Variants in CACNA1B observed in about 807,000 individuals in gnomAD.
CACNA1B encodes voltage-dependent N-type calcium channel subunit alpha-1B.
CACNA1B carries 70 observed loss-of-function variants against 247.2 expected under a neutral mutation model. The observed-to-expected ratio is 0.28, with a 90% CI of 0.23 to 0.35. The LOEUF (loss-of-function observed/expected upper bound fraction) is 0.35. CACNA1B is among the 10% of genes least tolerant of loss of function. CACNA1B has a pLI of 1.00. For synonymous variants in CACNA1B, 1,231 were observed against 1,294.4 expected, an observed-to-expected ratio of 0.95 and a Z score of 1.05; for missense variants, 2,367 against 3,197.4, an observed-to-expected ratio of 0.74 and a Z score of 6.26.
chr9:138,108,167 G>C (rs1961499778), intron 39 of CACNA1B, among the ~76,000 whole-genome samples: 1 of 151,638 alleles, frequency 6.6e-6, no homozygotes, highest in African/African-American at 2.4e-5. Context: ...GGAGCCCCTG[G>C]CTCTACAAAA....
At chr9:138,044,501 A>G (rs1959168217) in intron 21 of CACNA1B, among the ~76,000 whole-genome samples, 1 of 152,264 alleles carries the variant, frequency 6.6e-6, no homozygotes, top group Non-Finnish European at 1.5e-5. Context: ...TAAGATGCAG[A>G]TAGTGTTAAG....
intron 3 of CACNA1B, among the ~76,000 whole-genome samples, chr9:137,909,286 G>A (rs936381703): frequency 2.6e-5 from 4 of 152,120 alleles, no homozygotes; most frequent in East Asian, 1.9e-4. Context: ...CACTGCGCCC[G>A]GCTTTGCAAT....
intron 6 of CACNA1B, among the ~76,000 whole-genome samples, chr9:137,927,199 T>G (rs576312091): frequency 2.0e-4 from 31 of 152,186 alleles, no homozygotes; most frequent in African/African-American, 7.0e-4. Context: ...CCATTTTTTA[T>G]TTAATTTTTG....
chr9:137,956,528 C>T lies in CACNA1B; in HGVS notation c.1187-243C>T, dbSNP rs372732583. 9.9e-5 allele frequency among the ~76,000 whole-genome samples: 15 copies of T among 152,088 alleles called. No homozygotes were observed. In the East Asian group the frequency reaches 2.7e-3, roughly 27 times the overall value. On this transcript the variant is annotated intron_variant, in intron 8 of 46. Coordinates refer to ENST00000371372, the MANE Select transcript of CACNA1B (RefSeq NM_000718.4). ...CAAAAATTAGCCGGGCATGGTAGCA[C>T]GTCCCTGTAATCCCAGTGGGGAGGC...
rs1564191116 is a variant in CACNA1B, at chr9:137,923,169, AGTATTCCGTGGTGCCAGGTG to A, written c.966+5786_966+5805del. ...CAGGTGTCAATTTGTGGTGCCAGGT[AGTATTCCGTGGTGCCAGGTG>A]GTATTCCGTGGTGCCAGGTGGTATT... On this transcript the variant is annotated intron_variant, in intron 6 of 46. Transcript: ENST00000371372. 9.6e-4 allele frequency among the ~76,000 whole-genome samples: 138 copies of A among 144,206 alleles called. 2 individuals carry two copies. Among genetic ancestry groups the A allele is most frequent in the East Asian group, 5.1e-3 (24 of 4,704 alleles). The allele number at this position is 144,206 out of a possible 152,430, so 94.6% of individuals were successfully genotyped here.
intron 6 of CACNA1B, among the ~76,000 whole-genome samples, chr9:137,949,206 GGT>G (rs1957844079): frequency 9.4e-5 from 4 of 42,720 alleles, no homozygotes; most frequent in Admixed American, 2.6e-4. Context: ...ATGTGTGTCT[GGT>G]ATGTGTGGTG....
chr9:138,045,423 A>C (rs188766512), intron 21 of CACNA1B, among the ~76,000 whole-genome samples: 1 of 152,182 alleles, frequency 6.6e-6, no homozygotes, highest in East Asian at 1.9e-4. Context: ...CATAGTGTTG[A>C]GGTTTGGAAG....
rs1479696365 is a variant in CACNA1B, at chr9:137,881,457, G to A, written c.391-1287G>A. The stretch of plus-strand genomic sequence containing the variant: ...GGAACTGGTGGCACTCACCTCACCT[G>A]GCAGCTCTGTGGCAGCCCAGCAGCT... On this transcript the variant is annotated intron_variant, in intron 2 of 46. Coordinates refer to ENST00000371372, the MANE Select transcript of CACNA1B (RefSeq NM_000718.4). The surrounding 1 kb of genome is among the most constrained non-coding windows in gnomAD (Gnocchi z 4.3). Among the ~76,000 whole-genome samples the A allele has an allele frequency of 2.0e-5, 3 of 152,156 alleles. No individual in the cohort carries two copies. Among genetic ancestry groups the A allele is most frequent in the African/African-American group, 4.8e-5 (2 of 41,438 alleles).
At chr9:137,979,965 A>C (rs979119996) in intron 12 of CACNA1B, among the ~76,000 whole-genome samples, 26 of 152,224 alleles carry the variant, frequency 1.7e-4, no homozygotes, top group Admixed American at 4.6e-4. Flanking sequence ...AGCTGGGCAC[A>C]TGCGGGAAAG....
chr9:137,942,155 A>T (rs1394841222), intron 6 of CACNA1B, among the ~76,000 whole-genome samples: 1 of 152,188 alleles, frequency 6.6e-6, no homozygotes, highest in Non-Finnish European at 1.5e-5. Context: ...CCCATCAAAA[A>T]GTGGGCTAAG....
chr9:137,893,388 T>C (rs1957132192), intron 3 of CACNA1B, among the ~76,000 whole-genome samples: 1 of 148,590 alleles, frequency 6.7e-6, no homozygotes, highest in Non-Finnish European at 1.5e-5. Context: ...CGGTGGCTCA[T>C]GCCTGTAATC....
At position 138,043,608 on chromosome 9, in the gene CACNA1B, C is replaced by T. The variant is rs534028903; in HGVS notation, c.3287-166C>T. The stretch of plus-strand genomic sequence containing the variant: ...GCAGATGGTGGTCCTGGCTGTCGTG[C>T]GCCACGGTCATGTACGTGAAGCACT... On this transcript the variant is annotated intron_variant, in intron 20 of 46. Coordinates refer to ENST00000371372, the MANE Select transcript of CACNA1B (RefSeq NM_000718.4). 4.6e-5 allele frequency among the ~76,000 whole-genome samples: 7 copies of T among 152,268 alleles called. No individual in the cohort carries two copies. In the South Asian group the frequency reaches 1.0e-3, roughly 23 times the overall value.
At position 137,954,085 on chromosome 9, in the gene CACNA1B, G is replaced by A. The variant is rs905622869; in HGVS notation, c.1071-1613G>A. 1.3e-5 allele frequency among the ~76,000 whole-genome samples: 2 copies of A among 152,176 alleles called. No homozygotes were observed. The highest frequency in any genetic ancestry group is 6.5e-5 in the Admixed American group (1 of 15,292). ...ATTTCCCACTCCTTCCCCACTGTGAGGATCCTGGCCTCTGGGGAGAATGGG... is the reference window on the plus strand; with the variant it reads ...ATTTCCCACTCCTTCCCCACTGTGAAGATCCTGGCCTCTGGGGAGAATGGG... On this transcript the variant is annotated intron_variant, in intron 7 of 46. Transcript: ENST00000371372. This position sits in a 1 kb window ranked among gnomAD's most constrained non-coding sequence, Gnocchi z 4.1.
At chr9:138,045,776 C>G (rs1299780895) in intron 21 of CACNA1B, among the ~76,000 whole-genome samples, 2 of 152,164 alleles carry the variant, frequency 1.3e-5, no homozygotes, top group Non-Finnish European at 2.9e-5. Flanking sequence ...CAGCAGCAGG[C>G]TGGCGGTGGG....
intron 31 of CACNA1B, among the ~76,000 whole-genome samples, chr9:138,062,218 C>T (rs1959750970): frequency 1.3e-5 from 2 of 152,162 alleles, no homozygotes; most frequent in African/African-American, 4.8e-5. Context: ...CCACACAGAG[C>T]TGACCAGATA....
intron 32 of CACNA1B, among the ~76,000 whole-genome samples, chr9:138,071,409 G>A (rs1202651203): frequency 6.6e-6 from 1 of 152,234 alleles, no homozygotes; most frequent in Non-Finnish European, 1.5e-5. Flanking sequence ...CAGAGGTGAT[G>A]GTGCAGGTGC....
At chr9:138,055,601 T>C (rs1043519353) in intron 26 of CACNA1B, among the ~76,000 whole-genome samples, 1 of 152,220 alleles carries the variant, frequency 6.6e-6, no homozygotes, top group African/African-American at 2.4e-5. Flanking sequence ...TACTTGGAAG[T>C]TGATTTTTAT....
chr9:138,112,343 G>A, intron 39 of CACNA1B, 55 bp from the exon 40 acceptor site: 4 of 1,336,394 alleles, frequency 3.0e-6, no homozygotes, highest in Non-Finnish European at 4.3e-6. Context: ...GGCGGCTGCA[G>A]GGCTGCTCCT....
chr9:137,909,495 C>A (rs1957336864), intron 3 of CACNA1B, among the ~76,000 whole-genome samples: 1 of 152,168 alleles, frequency 6.6e-6, no homozygotes, highest in Admixed American at 6.5e-5. Context: ...AATAATGTTA[C>A]CCAAGTTCAT....
Sources: allele counts gnomAD v4.1 joint callset (sites outside exome capture counted in the v4.1 genomes callset), GRCh38; gene constraint gnomAD v4.1.1; non-coding constraint Gnocchi (gnomAD v3.1); transcripts MANE v1.5; gene names NCBI Gene and HGNC (gene_info 2026-07-23, HGNC 2026-07-21).